The following TTYH3 variants were observed in gnomAD, a reference collection of about 807,000 sequenced individuals.
The protein encoded by TTYH3 is tweety family member 3.
Under a neutral mutation model 68.2 loss-of-function variants are expected in TTYH3, and 23 were observed. That is an observed-to-expected ratio of 0.34 (90% CI 0.24 to 0.48). The LOEUF (loss-of-function observed/expected upper bound fraction) is 0.48, where lower values mean the gene tolerates loss of function less well. TTYH3 is among the 20% of genes least tolerant of loss of function. The pLI is 0.99. For missense variants in TTYH3, 768 were observed against 727.7 expected (o/e 1.06, Z -0.64); for synonymous variants, 360 against 332.8 (o/e 1.08, Z -0.89).
intron 7 of TTYH3, among the ~76,000 whole-genome samples, chr7:2,651,026 G>A (rs1786160685): frequency 6.6e-6 from 1 of 151,990 alleles, no homozygotes; most frequent in African/African-American, 2.4e-5. Context: ...CAGGTCTGGA[G>A]GTGGGGGGCA....
Position 2,632,012 on chromosome 7 carries a change from C to A in TTYH3, c.-144C>A. The A allele has an allele frequency of 1.6e-6, 1 of 642,664 alleles. No homozygotes were observed. The highest frequency in any genetic ancestry group is 2.0e-5 in the African/African-American group (1 of 50,228). The allele number at this position is 642,664 out of a possible 1,614,324, so 39.8% of individuals were successfully genotyped here. On this transcript the variant is annotated 5_prime_UTR_variant, in exon 1 of 14. Transcript: ENST00000258796. ...CGGAGCCGAGCGCAGCCGAGCCGGGCCGAGCCGGGCCGGGCCGGGCCCAGG... is the reference window on the plus strand; with the variant it reads ...CGGAGCCGAGCGCAGCCGAGCCGGGACGAGCCGGGCCGGGCCGGGCCCAGG...
intron 1 of TTYH3, among the ~76,000 whole-genome samples, chr7:2,646,071 G>T (rs1337406386): frequency 6.6e-6 from 1 of 151,924 alleles, no homozygotes; most frequent in Non-Finnish European, 1.5e-5. Context: ...CTGGAGTGCA[G>T]TGGTGCAATC....
intron 13 of TTYH3, chr7:2,659,829 G>T: frequency 8.2e-7 from 1 of 1,217,582 alleles, no homozygotes. Context: ...GGCTGCCCTC[G>T]TCCTCGCCAT....
intron 11 of TTYH3, among the ~76,000 whole-genome samples, chr7:2,657,112 G>T (rs892653110): frequency 1.3e-5 from 2 of 152,208 alleles, no homozygotes; most frequent in African/African-American, 4.8e-5. Flanking sequence ...TTTGAGTGGT[G>T]TATTGGGGTG....
Position 2,644,394 on chromosome 7 carries a change from C to T in TTYH3, c.124-2459C>T, listed in dbSNP as rs557733038. On this transcript the variant is annotated intron_variant, in intron 1 of 13. Transcript: ENST00000258796. ...CCCACTGAGCACAGAGCATGGGTAC[C>T]GTGCTGGGACTGTTAATATGAGGCC... Among the ~76,000 whole-genome samples the T allele has an allele frequency of 4.3e-4, 65 of 152,328 alleles. 1 individual carries two copies. The highest frequency in any genetic ancestry group is 3.7e-3 in the South Asian group (18 of 4,830).
rs1431978748 is a variant in TTYH3 at position 2,647,037 on chromosome 7, G to A, written c.293+15G>A. On this transcript the variant is annotated intron_variant, in intron 2 of 13. Coordinates refer to ENST00000258796, the MANE Select transcript of TTYH3 (RefSeq NM_025250.3). ...CTGGTGTGCAGGTGAGCGCGGTGGG[G>A]CGGGGACGGAGGGCGGGGCCAGAGG... The A allele has an allele frequency of 1.3e-6, 2 of 1,541,978 alleles. No individual in the cohort carries two copies. The highest frequency in any genetic ancestry group is 2.4e-5 in the South Asian group (2 of 84,366).
chr7:2,654,666 G>T (rs1740197114), intron 9 of TTYH3, among the ~76,000 whole-genome samples: 2 of 152,184 alleles, frequency 1.3e-5, no homozygotes, highest in African/African-American at 4.8e-5. Context: ...ACAGCTCTTG[G>T]CAGGGCCGGC....
Position 2,645,133 on chromosome 7 carries a change from C to T in TTYH3, c.124-1720C>T, listed in dbSNP as rs1269895027. On this transcript the variant is annotated intron_variant, in intron 1 of 13. Coordinates refer to ENST00000258796, the MANE Select transcript of TTYH3 (RefSeq NM_025250.3). The surrounding 1 kb of genome is among the most constrained non-coding windows in gnomAD (Gnocchi z 4.8). ...CCAGCTGCTGACACCCCCCAGGGCA[C>T]CCCCAAGTTAGCCTCTAGGTGGTCC... is the stretch of plus-strand genomic sequence containing the variant. 1.3e-5 allele frequency among the ~76,000 whole-genome samples: 2 copies of T among 151,462 alleles called. No homozygotes were observed. The highest frequency in any genetic ancestry group is 2.9e-5 in the Non-Finnish European group (2 of 67,844).
Position 2,662,125 on chromosome 7 carries a change from C to A in TTYH3, c.*386C>A. The A allele has an allele frequency of 2.4e-6, 1 of 416,168 alleles. No homozygotes were observed. The highest frequency in any genetic ancestry group is 2.3e-5 in the South Asian group (1 of 43,472). 25.8% of individuals were successfully genotyped at this position (416,168 alleles called of 1,614,324 possible). ...CCTCCCGCCCGGCACTTCTGTGGACCCCTTCTTAGTTCACAGGCACGGCTG... is the reference window on the plus strand; with the variant it reads ...CCTCCCGCCCGGCACTTCTGTGGACACCTTCTTAGTTCACAGGCACGGCTG... On this transcript the variant is annotated 3_prime_UTR_variant, in exon 14 of 14. Coordinates refer to ENST00000258796, the MANE Select transcript of TTYH3 (RefSeq NM_025250.3).
intron 7 of TTYH3, among the ~76,000 whole-genome samples, 178 bp from the exon 8 acceptor site, chr7:2,652,009 G>A (rs896409349): frequency 1.3e-5 from 2 of 152,268 alleles, no homozygotes; most frequent in Non-Finnish European, 2.9e-5. Flanking sequence ...ACACATGCAC[G>A]TGTAAGTAAA....
At chr7:2,654,242 A>C (rs1253763708) in intron 9 of TTYH3, among the ~76,000 whole-genome samples, 1 of 151,912 alleles carries the variant, frequency 6.6e-6, no homozygotes, top group African/African-American at 2.4e-5. Flanking sequence ...AAAAAATACA[A>C]AAACTAGCTA....
intron 1 of TTYH3, among the ~76,000 whole-genome samples, chr7:2,633,303 C>T (rs548595050): frequency 4.1e-4 from 63 of 152,268 alleles, no homozygotes; most frequent in Non-Finnish European, 7.5e-4. Context: ...TCCGGTATTC[C>T]GCGGGCAGCC....
rs1583581698 is a variant in TTYH3 at position 2,663,541 on chromosome 7, G to C, written c.*1802G>C. 1.3e-5 allele frequency: 2 copies of C among 152,552 alleles called. No individual in the cohort carries two copies. Among genetic ancestry groups the C allele is most frequent in the African/African-American group, 4.8e-5 (2 of 41,454 alleles). 9.4% of individuals were successfully genotyped at this position (152,552 alleles called of 1,614,324 possible). ...GGGCCTCTGCTTCAGGCCCCGCCTG[G>C]CTGACATTCTGAGCCCCCCTCGGAG... On this transcript the variant is annotated 3_prime_UTR_variant, in exon 14 of 14. Coordinates refer to ENST00000258796, the MANE Select transcript of TTYH3 (RefSeq NM_025250.3).
intron 1 of TTYH3, among the ~76,000 whole-genome samples, chr7:2,641,760 T>C (rs559006192): frequency 6.6e-5 from 10 of 152,350 alleles, no homozygotes; most frequent in African/African-American, 2.2e-4. Context: ...GCTGGGAATC[T>C]GGCTTCGGGA....
intron 13 of TTYH3, 57 bp from the exon 14 acceptor site, chr7:2,661,611 C>G (rs955027364): frequency 4.5e-6 from 7 of 1,558,350 alleles, no homozygotes; most frequent in Non-Finnish European, 6.1e-6. Context: ...GAAGGCGCCC[C>G]TGGCTGCGTG....
chr7:2,650,310 G>A (rs1156386382), intron 7 of TTYH3, among the ~76,000 whole-genome samples: 1 of 152,182 alleles, frequency 6.6e-6, no homozygotes, highest in Non-Finnish European at 1.5e-5. Context: ...GGGTGCAGTG[G>A]CTCACACCTG....
At chr7:2,650,052 G>A (rs964295218) in intron 7 of TTYH3, 64 bp downstream of exon 7, 9 of 1,576,926 alleles carry the variant, frequency 5.7e-6, no homozygotes, top group Admixed American at 5.1e-5. Flanking sequence ...CCAAAAGAGT[G>A]GGGTAGCTGA....
At chr7:2,650,070 A>T in intron 7 of TTYH3, 82 bp downstream of exon 7, 5 of 1,443,802 alleles carry the variant, frequency 3.5e-6, no homozygotes, top group Non-Finnish European at 4.8e-6. Context: ...TGAGGCCGAG[A>T]CACCCCTGCC....
intron 1 of TTYH3, among the ~76,000 whole-genome samples, chr7:2,637,766 C>G (rs572779938): frequency 6.6e-6 from 1 of 152,118 alleles, no homozygotes; most frequent in Non-Finnish European, 1.5e-5. Context: ...CCGGGCCTGC[C>G]GCTATGTTCT....
Sources: gnomAD v4.1 joint callset for allele counts (sites outside exome capture counted in the v4.1 genomes callset) on GRCh38, gnomAD v4.1.1 for gene constraint, Gnocchi (gnomAD v3.1) non-coding constraint, MANE v1.5 for transcripts, NCBI Gene and HGNC (gene_info 2026-07-23, HGNC 2026-07-21) for gene names.